The following TBC1D5 variants were observed in gnomAD, a reference collection of about 807,000 sequenced individuals.
The protein encoded by TBC1D5 is TBC1 domain family member 5.
A neutral mutation model predicts 100.3 loss-of-function variants in TBC1D5; 75 were observed. The ratio of observed to expected loss-of-function variants is 0.75; its 90% CI spans 0.62 to 0.91. The LOEUF is 0.91. Among genes scored for constraint, TBC1D5 ranks in the 40% least tolerant of loss-of-function variants. The probability of loss-of-function intolerance (pLI) is 0.00; values close to 1 mark genes in which losing one functional copy is unlikely to be tolerated. For synonymous variants in TBC1D5, 323 were observed against 325.6 expected (o/e 0.99, Z 0.09); for missense variants, 910 against 942.4 (o/e 0.97, Z 0.45).
chr3:17,345,598 C>T (rs1303816425), intron 13 of TBC1D5, among the ~76,000 whole-genome samples: 1 of 151,808 alleles, frequency 6.6e-6, no homozygotes, highest in Non-Finnish European at 1.5e-5. Context: ...ATAAATCATG[C>T]TGCTATAAAG....
At chr3:17,741,497 A>G (rs972824641), upstream of TBC1D5, among the ~76,000 whole-genome samples, 1 of 152,270 alleles carries the variant, frequency 6.6e-6, no homozygotes, top group Admixed American at 6.5e-5. Flanking sequence ...ATAAAGGTTT[A>G]CAAAAGAATT....
rs149379791 is a variant in TBC1D5, at chr3:17,203,214, G to T, written c.1752+10993C>A. Among the ~76,000 whole-genome samples, 492 of 152,352 alleles carry T rather than the reference G, an allele frequency of 3.2e-3. 1 individual carries two copies. Among genetic ancestry groups the T allele is most frequent in the African/African-American group, 0.011 (465 of 41,588 alleles). The stretch of plus-strand genomic sequence containing the variant: ...AAAGGAGATCATTTTGGAGCTTTAA[G>T]ATTTAATGACTGCCCTGCTGGGTTT... On this transcript the variant is annotated intron_variant, in intron 18 of 21. Transcript: ENST00000253692.
chr3:17,677,186 A>G (rs1442534534), intron 1 of TBC1D5, among the ~76,000 whole-genome samples: 1 of 152,244 alleles, frequency 6.6e-6, no homozygotes, highest in African/African-American at 2.4e-5. Flanking sequence ...TCTGCACAGC[A>G]AAAGAAACTA....
intron 14 of TBC1D5, among the ~76,000 whole-genome samples, chr3:17,301,198 T>C (rs2082794633): frequency 6.6e-6 from 1 of 152,134 alleles, no homozygotes; most frequent in African/African-American, 2.4e-5. Flanking sequence ...TTTTAGCTAT[T>C]AATGCAATTT....
chr3:17,302,945 G>GC (rs1003806741), intron 14 of TBC1D5, among the ~76,000 whole-genome samples: 5 of 152,260 alleles, frequency 3.3e-5, no homozygotes, highest in Admixed American at 2.6e-4. Flanking sequence ...GAATCCACTG[G>GC]CATGAAATAA....
intron 15 of TBC1D5, among the ~76,000 whole-genome samples, chr3:17,270,013 T>C (rs1042997284): frequency 5.3e-5 from 8 of 152,190 alleles, no homozygotes; most frequent in Admixed American, 1.3e-4. Context: ...ATATACCCAG[T>C]AATGCGATTG....
chr3:17,336,012 C>A (rs1255395541), intron 13 of TBC1D5, among the ~76,000 whole-genome samples: 1 of 152,078 alleles, frequency 6.6e-6, no homozygotes, highest in African/African-American at 2.4e-5. Context: ...ATGCATATAG[C>A]CACCATTTCT....
chr3:17,681,095 A>ACT (rs1292348387), intron 1 of TBC1D5, among the ~76,000 whole-genome samples: 3 of 151,434 alleles, frequency 2.0e-5, no homozygotes, highest in Non-Finnish European at 4.4e-5. Context: ...TAAAGAAGCT[A>ACT]CTCTGAGAGC....
At chr3:17,586,076 G>T (rs1018718501) in intron 2 of TBC1D5, among the ~76,000 whole-genome samples, 1 of 152,072 alleles carries the variant, frequency 6.6e-6, no homozygotes, top group African/African-American at 2.4e-5. Context: ...ACACCCTGAA[G>T]ACTCAGCTAA....
chr3:17,302,489 A>G (rs572645521), intron 14 of TBC1D5, among the ~76,000 whole-genome samples: 1 of 152,328 alleles, frequency 6.6e-6, no homozygotes, highest in Admixed American at 6.5e-5. Flanking sequence ...GGGGGGATAC[A>G]ATTCAGCCCA....
rs550841421 is a variant in TBC1D5, at chr3:17,617,968, G to A, written c.-36+5881C>T. Among the ~76,000 whole-genome samples, 32 of 152,328 alleles carry A rather than the reference G, an allele frequency of 2.1e-4. No individual in the cohort carries two copies. The East Asian group carries it at 6.2e-3, about 29-fold the overall frequency. On this transcript the variant is annotated intron_variant, in intron 2 of 21. Coordinates refer to ENST00000253692, the Ensembl canonical transcript of TBC1D5. ...TGGCAAGGAGCTGCGATGTTTTGGA[G>A]GAGAACAGGCGCTCCAGTTTTTAGA...
At chr3:17,308,002 G>C in exon 14 of TBC1D5, 2 of 1,602,580 alleles carry the variant, frequency 1.2e-6, no homozygotes, top group South Asian at 1.1e-5. Context: ...AAGCATCTCG[G>C]ATGTAAAGTA....
chr3:17,299,821 T>C (rs976839077), intron 14 of TBC1D5, among the ~76,000 whole-genome samples: 24 of 124,122 alleles, frequency 1.9e-4, no homozygotes, highest in African/African-American at 7.0e-4. Context: ...ATTGTGCCAC[T>C]GCACTCCAGC....
intron 13 of TBC1D5, among the ~76,000 whole-genome samples, chr3:17,327,671 A>G (rs1469570551): frequency 6.6e-6 from 1 of 151,694 alleles, no homozygotes; most frequent in Non-Finnish European, 1.5e-5. Flanking sequence ...TAAAAACTGT[A>G]CTCCTTAGAT....
At chr3:17,424,533 T>C (rs1387188190) in intron 4 of TBC1D5, among the ~76,000 whole-genome samples, 1 of 152,344 alleles carries the variant, frequency 6.6e-6, no homozygotes, top group Non-Finnish European at 1.5e-5. Context: ...AAGTACAAGA[T>C]ATATTTCACA....
At chr3:17,416,788 A>G (rs1217291887) in intron 4 of TBC1D5, among the ~76,000 whole-genome samples, 1 of 152,092 alleles carries the variant, frequency 6.6e-6, no homozygotes, top group East Asian at 1.9e-4. Flanking sequence ...CACATACCTG[A>G]AAGTTAGAAA....
At chr3:17,724,075 C>CTTT (rs969049204) in intron 1 of TBC1D5, among the ~76,000 whole-genome samples, 4 of 131,038 alleles carry the variant, frequency 3.1e-5, no homozygotes, top group African/African-American at 5.8e-5. Flanking sequence ...CGATTGGCAA[C>CTTT]TTTTTTTTTT....
Position 17,357,280 on chromosome 3 carries a change from C to T in TBC1D5, c.995+14795G>A, listed in dbSNP as rs547012936. 2.0e-5 allele frequency among the ~76,000 whole-genome samples: 3 copies of T among 152,272 alleles called. No homozygotes were observed. The East Asian group carries it at 5.8e-4, about 29-fold the overall frequency. On this transcript the variant is annotated intron_variant, in intron 13 of 21. Transcript: ENST00000253692. ...TGTCTGACCAATCTGGGCAGCAATG[C>T]AAAGAAAGGAGGTGCTTCCTTTCTG...
At chr3:17,297,037 A>C (rs1003374302) in intron 14 of TBC1D5, among the ~76,000 whole-genome samples, 1 of 152,234 alleles carries the variant, frequency 6.6e-6, no homozygotes, top group Non-Finnish European at 1.5e-5. Context: ...TGTTTAAATA[A>C]ATAGTGCTGC....
Sources: gnomAD v4.1 joint callset for allele counts (sites outside exome capture counted in the v4.1 genomes callset) on GRCh38, gnomAD v4.1.1 for gene constraint, MANE v1.5 for transcripts, NCBI Gene and HGNC (gene_info 2026-07-23, HGNC 2026-07-21) for gene names.